CHD9: variants seen among roughly 807,000 people sequenced by gnomAD.
CHD9 encodes chromodomain helicase DNA binding protein 9.
In CHD9, 77 loss-of-function variants were observed where a neutral mutation model predicts 316.1. That is an observed-to-expected ratio of 0.24 (90% CI 0.20 to 0.29). The LOEUF (loss-of-function observed/expected upper bound fraction) is 0.29. Among genes scored for constraint, CHD9 ranks in the 10% least tolerant of loss-of-function variants. The pLI is 1.00. For missense variants in CHD9, 2,763 were observed against 3,438.1 expected (o/e 0.80, Z 4.91); for synonymous variants, 1,129 against 1,158.3 (o/e 0.97, Z 0.51).
intron 1 of CHD9, among the ~76,000 whole-genome samples, chr16:53,060,916 G>GTC (rs1198228483): frequency 2.0e-4 from 28 of 139,668 alleles, no homozygotes; most frequent in Non-Finnish European, 2.9e-4. Context: ...GCAAGATGTT[G>GTC]TCTCTTTTTT....
chr16:53,138,425 T>C (rs980316319), intron 1 of CHD9, among the ~76,000 whole-genome samples: 1 of 152,192 alleles, frequency 6.6e-6, no homozygotes, highest in Non-Finnish European at 1.5e-5. Context: ...AATCACTGCG[T>C]AGAAACTTAC....
At chr16:53,098,600 G>T (rs1231340870) in intron 1 of CHD9, among the ~76,000 whole-genome samples, 1 of 151,612 alleles carries the variant, frequency 6.6e-6, no homozygotes, top group Admixed American at 6.6e-5. Flanking sequence ...TTTTTTCTTT[G>T]TCTCTTGTAA....
intron 1 of CHD9, among the ~76,000 whole-genome samples, chr16:53,084,425 C>T (rs2035287095): frequency 6.6e-6 from 1 of 152,170 alleles, no homozygotes; most frequent in Non-Finnish European, 1.5e-5. Context: ...AAGGACCCAA[C>T]TGGCAGCAGA....
In CHD9 at chr16:53,267,998, T is replaced by C. The variant is rs758968193; in HGVS notation, c.4589T>C (p.Ile1530Thr). Residue 1530 changes from isoleucine to threonine, a missense_variant, in exon 22 of 39, where the codon ATA becomes ACA. Ile to Thr is a moderately conservative substitution (Grantham distance 89). Coordinates refer to ENST00000447540, the MANE Select transcript of CHD9 (RefSeq NM_001308319.2). ...KRQLNEHDVE[I>T]ICRALLAYCL... ...CAGCTAAATGAACACGATGTAGAGATAATTTGCCGAGCTCTCTTAGCATAT... is the reference window on the plus strand; with the variant it reads ...CAGCTAAATGAACACGATGTAGAGACAATTTGCCGAGCTCTCTTAGCATAT... 15 of 1,613,560 alleles carry C rather than the reference T, an allele frequency of 9.3e-6. No individual in the cohort carries two copies. The highest frequency in any genetic ancestry group is 8.8e-5 in the South Asian group (8 of 91,082).
chr16:53,175,093 G>GT (rs994064337), intron 2 of CHD9, among the ~76,000 whole-genome samples: 10 of 152,168 alleles, frequency 6.6e-5, no homozygotes, highest in South Asian at 4.1e-4. Flanking sequence ...GACAGTTAAA[G>GT]TTTTTTACTG....
chr16:53,072,319 T>C (rs1251266213), intron 1 of CHD9, among the ~76,000 whole-genome samples: 1 of 84,926 alleles, frequency 1.2e-5, no homozygotes, highest in African/African-American at 4.8e-5. Flanking sequence ...AAGCCATAAG[T>C]CTTTTTTTTT....
At chr16:53,281,001 C>T (rs2053362186) in intron 24 of CHD9, among the ~76,000 whole-genome samples, 3 of 152,020 alleles carry the variant, frequency 2.0e-5, no homozygotes, top group African/African-American at 7.3e-5. Flanking sequence ...CTTTTCATTC[C>T]CTCTTGCTAG....
In CHD9 at chr16:53,273,691, G is replaced by A; in HGVS notation, c.4783G>A (p.Asp1595Asn). ...AGTAAAAACTCAAACAAGCTCATTT[G>A]ATATACAAAAAGCAGAATGGCTTCG... ...KKVKTQTSSF[D>N]IQKAEWLRKY... Residue 1595 changes from aspartate to asparagine, a missense_variant, in exon 23 of 39, where the codon GAT becomes AAT. Physicochemically the swap from Asp to Asn is conservative, Grantham distance 23 (BLOSUM62 1). Transcript: ENST00000447540. 1 of 1,613,354 alleles carries A rather than the reference G, an allele frequency of 6.2e-7. No individual in the cohort carries two copies. Among genetic ancestry groups the A allele is most frequent in the Non-Finnish European group, 8.5e-7 (1 of 1,179,544 alleles).
chr16:53,212,129 C>T (rs1310938690), intron 3 of CHD9, among the ~76,000 whole-genome samples: 4 of 152,174 alleles, frequency 2.6e-5, no homozygotes, highest in Non-Finnish European at 4.4e-5. Flanking sequence ...TGGCTGGGCG[C>T]GGTGGCTCAT....
Position 53,156,808 on chromosome 16 carries a change from A to G in CHD9, c.719A>G (p.His240Arg). 1 of 1,613,858 alleles carries G rather than the reference A, an allele frequency of 6.2e-7. No homozygotes were observed. The highest frequency in any genetic ancestry group is 8.5e-7 in the Non-Finnish European group (1 of 1,179,884). The change falls in exon 2 of 39, where the codon CAC (histidine) becomes CGC (arginine). Residue 240 changes from histidine (H) to arginine (R), a missense_variant. Transcript: ENST00000447540. ...TCTCAAACGTCAAATCCTTCAGCACACTTCCACAAGTGTAGCAGTCATCAA... is the reference window on the plus strand; with the variant it reads ...TCTCAAACGTCAAATCCTTCAGCACGCTTCCACAAGTGTAGCAGTCATCAA... ...QFSQTSNPSA[H>R]FHKCSSHQEG...
intron 22 of CHD9, among the ~76,000 whole-genome samples, chr16:53,273,135 A>G (rs1025185320): frequency 1.3e-5 from 2 of 152,264 alleles, no homozygotes. Context: ...AACATGGACT[A>G]TGTGAACATG....
chr16:53,236,357 A>G (rs979854811), intron 11 of CHD9, among the ~76,000 whole-genome samples: 11 of 152,162 alleles, frequency 7.2e-5, no homozygotes, highest in Middle Eastern at 3.4e-3. Flanking sequence ...TTCATATCCA[A>G]GCCTACAGAT....
chr16:53,126,405 T>C (rs146351963), intron 1 of CHD9, among the ~76,000 whole-genome samples: 2 of 152,336 alleles, frequency 1.3e-5, no homozygotes, highest in Admixed American at 6.5e-5. Context: ...TTTATTCCAT[T>C]AATCCATATG....
chr16:53,168,002 A>G (rs1288068562), intron 2 of CHD9, among the ~76,000 whole-genome samples: 1 of 152,134 alleles, frequency 6.6e-6, no homozygotes, highest in Non-Finnish European at 1.5e-5. Context: ...AAAATAATAT[A>G]GGAAACATTG....
At position 53,216,650 on chromosome 16, in the gene CHD9, A is replaced by C. The variant is rs1191274129; in HGVS notation, c.1785-5994A>C. On this transcript the variant is annotated intron_variant, in intron 3 of 38. Transcript: ENST00000447540. ...CAACTGAGGTACTGTAGGCAAAAGC[A>C]CTTTAAAATTTTAAGTGTTCTATAA... Among the ~76,000 whole-genome samples, 6 of 152,318 alleles carry C rather than the reference A, an allele frequency of 3.9e-5. No homozygotes were observed. In the East Asian group the frequency reaches 1.2e-3, roughly 29 times the overall value.
intron 1 of CHD9, among the ~76,000 whole-genome samples, chr16:53,107,833 A>C (rs2037491704): frequency 6.6e-6 from 1 of 152,224 alleles, no homozygotes; most frequent in Non-Finnish European, 1.5e-5. Context: ...GAACAAACAG[A>C]AATTCTTATC....
chr16:53,098,086 C>CTG (rs1451386130), intron 1 of CHD9, among the ~76,000 whole-genome samples: 1 of 152,074 alleles, frequency 6.6e-6, no homozygotes, highest in Admixed American at 6.6e-5. Context: ...TGCCATTGCA[C>CTG]TCCAGCCTGG....
At chr16:53,108,935 T>C (rs1402530358) in intron 1 of CHD9, among the ~76,000 whole-genome samples, 1 of 152,046 alleles carries the variant, frequency 6.6e-6, no homozygotes, top group Non-Finnish European at 1.5e-5. Context: ...ATGAAACCTC[T>C]GTGTGAATAT....
intron 31 of CHD9, among the ~76,000 whole-genome samples, chr16:53,305,701 T>TG (rs1208805801): frequency 6.6e-6 from 1 of 152,156 alleles, no homozygotes; most frequent in Non-Finnish European, 1.5e-5. Flanking sequence ...CAGGAACCCT[T>TG]GCAGCAGTCC....
Sources: gnomAD v4.1 joint callset for allele counts (sites outside exome capture counted in the v4.1 genomes callset) on GRCh38, gnomAD v4.1.1 for gene constraint, MANE v1.5 for transcripts, NCBI Gene and HGNC (gene_info 2026-07-23, HGNC 2026-07-21) for gene names.